SRGAP1: variants seen among roughly 807,000 people sequenced by gnomAD.
The protein encoded by SRGAP1 is SLIT-ROBO Rho GTPase-activating protein 1.
A neutral mutation model predicts 121.9 loss-of-function variants in SRGAP1; 43 were observed. The observed-to-expected ratio is 0.35, with a 90% CI of 0.28 to 0.46. SRGAP1 has a LOEUF of 0.46. Ranked by LOEUF, SRGAP1 falls within the 20% of genes least tolerant of loss-of-function variation. The pLI, the probability that SRGAP1 is intolerant of heterozygous loss-of-function variation, is 1.00. For missense variants in SRGAP1, 1,102 were observed against 1,350.9 expected (o/e 0.82, Z 2.89); for synonymous variants, 447 against 485.4 (o/e 0.92, Z 1.04).
intron 6 of SRGAP1, among the ~76,000 whole-genome samples, chr12:64,049,853 C>T (rs2035205940): frequency 6.6e-6 from 1 of 152,042 alleles, no homozygotes; most frequent in Non-Finnish European, 1.5e-5. Flanking sequence ...TCTTTTTGCT[C>T]AGGATGGCTT....
chr12:63,909,637 C>T (rs1237203571), intron 1 of SRGAP1, among the ~76,000 whole-genome samples: 1 of 152,248 alleles, frequency 6.6e-6, no homozygotes, highest in African/African-American at 2.4e-5. Context: ...AGAATTGTCT[C>T]AGTGTCTGTG....
At chr12:63,857,476 T>C (rs1036103938) in intron 1 of SRGAP1, among the ~76,000 whole-genome samples, 4 of 151,868 alleles carry the variant, frequency 2.6e-5, no homozygotes, top group African/African-American at 7.2e-5. Context: ...CCGCCTCCCA[T>C]GTTTAAGCAA....
chr12:63,878,744 G>C (rs1319532112), intron 1 of SRGAP1: 1 of 152,204 alleles, frequency 6.6e-6, no homozygotes, highest in African/African-American at 2.4e-5. Flanking sequence ...TTTACAGTTG[G>C]ATAGTCTGTT....
intron 1 of SRGAP1, among the ~76,000 whole-genome samples, chr12:63,856,179 AC>A (rs1418736489): frequency 6.6e-6 from 1 of 152,074 alleles, no homozygotes; most frequent in Non-Finnish European, 1.5e-5. Context: ...AATCATCTCA[AC>A]CCAGGAGGTG....
chr12:64,107,139 G>A (rs1472126772), intron 15 of SRGAP1, among the ~76,000 whole-genome samples: 1 of 152,036 alleles, frequency 6.6e-6, no homozygotes, highest in Non-Finnish European at 1.5e-5. Flanking sequence ...GCTCATTCTT[G>A]GTTAATCAAG....
intron 18 of SRGAP1, 81 bp from the exon 19 acceptor site, chr12:64,125,896 C>G (rs751525488): frequency 7.3e-5 from 102 of 1,404,374 alleles, no homozygotes; most frequent in Middle Eastern, 7.2e-4. Flanking sequence ...TCATTTGAAG[C>G]CTCATAGAGC....
intron 10 of SRGAP1, chr12:64,081,839 G>A (rs1203955898): frequency 2.0e-5 from 3 of 150,682 alleles, no homozygotes; most frequent in Non-Finnish European, 4.4e-5. Context: ...ATTAACAGCC[G>A]GAAAATCTAC....
intron 9 of SRGAP1, among the ~76,000 whole-genome samples, chr12:64,079,992 C>G (rs1411442443): frequency 6.6e-6 from 1 of 152,030 alleles, no homozygotes; most frequent in Non-Finnish European, 1.5e-5. Flanking sequence ...CCTGTAATCC[C>G]AGCACTTTGG....
intron 1 of SRGAP1, among the ~76,000 whole-genome samples, chr12:63,924,647 T>A (rs371756773): frequency 6.6e-6 from 1 of 152,358 alleles, no homozygotes; most frequent in East Asian, 1.9e-4. Flanking sequence ...ATGAGGGGTT[T>A]CCGTGACTTT....
At position 64,080,377 on chromosome 12, in the gene SRGAP1, T is replaced by C; in HGVS notation, c.1408+7T>C. ...CAGAGGACCCTGGGAGAAGGTGAGT[T>C]ATCCAAAATGTATGGGAAGATGACC... is the stretch of plus-strand genomic sequence containing the variant. On this transcript the variant is annotated splice_region_variant and intron_variant, in intron 10 of 21. Coordinates refer to ENST00000355086, the MANE Select transcript of SRGAP1 (RefSeq NM_020762.4). The C allele has an allele frequency of 6.2e-7, 1 of 1,607,578 alleles. No individual in the cohort carries two copies. The highest frequency in any genetic ancestry group is 1.7e-4 in the Middle Eastern group (1 of 6,050).
intron 8 of SRGAP1, among the ~76,000 whole-genome samples, chr12:64,076,965 TAG>T (rs2035750251): frequency 6.6e-6 from 1 of 152,104 alleles, no homozygotes; most frequent in Admixed American, 6.6e-5. Context: ...TTAAAGAATA[TAG>T]AGTCAATATT....
chr12:63,971,943 T>C (rs2032961422), intron 1 of SRGAP1, among the ~76,000 whole-genome samples: 1 of 152,228 alleles, frequency 6.6e-6, no homozygotes, highest in South Asian at 2.1e-4. Flanking sequence ...GCTTCCTTTT[T>C]TCAGCTCCTG....
intron 3 of SRGAP1, among the ~76,000 whole-genome samples, chr12:64,003,144 G>A (rs2033960134): frequency 3.3e-5 from 5 of 151,856 alleles, no homozygotes; most frequent in Admixed American, 3.3e-4. Flanking sequence ...GGAGTGCAGT[G>A]GCTCAATCAT....
chr12:63,949,552 C>T (rs1007349370), intron 1 of SRGAP1, among the ~76,000 whole-genome samples: 1 of 151,420 alleles, frequency 6.6e-6, no homozygotes, highest in Non-Finnish European at 1.5e-5. Context: ...CTCAGCCTCC[C>T]GAGTAGCTGG....
chr12:63,947,722 T>C (rs1565963303), intron 1 of SRGAP1, among the ~76,000 whole-genome samples: 1 of 152,202 alleles, frequency 6.6e-6, no homozygotes, highest in East Asian at 1.9e-4. Flanking sequence ...ATATAAATCC[T>C]TCAACTTTTT....
chr12:63,992,865 C>T (rs2033593174), intron 3 of SRGAP1, among the ~76,000 whole-genome samples: 1 of 152,074 alleles, frequency 6.6e-6, no homozygotes, highest in Non-Finnish European at 1.5e-5. Context: ...GTTACTTTGG[C>T]ATTTAGTAGG....
intron 1 of SRGAP1, among the ~76,000 whole-genome samples, chr12:63,898,492 C>G (rs1900826356): frequency 6.6e-6 from 1 of 152,210 alleles, no homozygotes; most frequent in Admixed American, 6.5e-5. Flanking sequence ...TTGGGCACTT[C>G]TGTCTCTGTT....
rs368639664 is a variant in SRGAP1 at position 63,906,353 on chromosome 12, C to T, written c.67+61470C>T. 5.2e-4 allele frequency among the ~76,000 whole-genome samples: 79 copies of T among 151,982 alleles called. No homozygotes were observed. The East Asian group carries it at 0.012, about 22-fold the overall frequency. ...GTTTTGAGACGGAGTCTGGCTTTGT[C>T]GCCAAGGCTGGAGTGCAGTGGTGAG... On this transcript the variant is annotated intron_variant, in intron 1 of 21. Transcript: ENST00000355086.
At chr12:63,932,794 C>T (rs1296603587) in intron 1 of SRGAP1, among the ~76,000 whole-genome samples, 1 of 152,180 alleles carries the variant, frequency 6.6e-6, no homozygotes, top group East Asian at 1.9e-4. Context: ...TTCTTTGCCC[C>T]TGCTCACTTC....
Sources: gnomAD v4.1 joint callset for allele counts (sites outside exome capture counted in the v4.1 genomes callset) on GRCh38, gnomAD v4.1.1 for gene constraint, MANE v1.5 for transcripts, NCBI Gene and HGNC (gene_info 2026-07-23, HGNC 2026-07-21) for gene names.